CNTNAP2: variants seen among roughly 807,000 people sequenced by gnomAD.
CNTNAP2 encodes the protein contactin associated protein 2.
A neutral mutation model predicts 155.2 loss-of-function variants in CNTNAP2; 98 were observed. The observed-to-expected ratio is 0.63, with a 90% CI of 0.54 to 0.75. The LOEUF is 0.75. Among genes scored for constraint, CNTNAP2 ranks in the 30% least tolerant of loss-of-function variants. CNTNAP2 has a pLI of 0.00. For missense variants in CNTNAP2, 1,727 were observed against 1,688.1 expected (o/e 1.02, Z -0.40); for synonymous variants, 651 against 631.2 (o/e 1.03, Z -0.47).
intron 4 of CNTNAP2, among the ~76,000 whole-genome samples, chr7:147,088,274 A>G (rs1181271117): frequency 6.6e-6 from 1 of 152,212 alleles, no homozygotes; most frequent in Non-Finnish European, 1.5e-5. Context: ...CTATGGAATA[A>G]TGACCCTTTA....
intron 1 of CNTNAP2, among the ~76,000 whole-genome samples, chr7:146,622,732 G>A (rs565946516): frequency 5.9e-5 from 9 of 151,914 alleles, no homozygotes; most frequent in African/African-American, 1.2e-4. Flanking sequence ...CGAGGCAGGC[G>A]GATCACCTGA....
At chr7:146,301,255 T>C (rs1368748504) in intron 1 of CNTNAP2, among the ~76,000 whole-genome samples, 1 of 152,124 alleles carries the variant, frequency 6.6e-6, no homozygotes, top group Non-Finnish European at 1.5e-5. Context: ...TCAGGATTAA[T>C]TTGAGAATAG....
chr7:146,644,400 C>G (rs1799772790), intron 1 of CNTNAP2, among the ~76,000 whole-genome samples: 1 of 152,126 alleles, frequency 6.6e-6, no homozygotes, highest in Non-Finnish European at 1.5e-5. Context: ...TGTTCTGCAT[C>G]TATTGAGATA....
intron 13 of CNTNAP2, among the ~76,000 whole-genome samples, chr7:147,649,637 G>T (rs1210004074): frequency 7.2e-5 from 11 of 151,940 alleles, no homozygotes; most frequent in Non-Finnish European, 1.3e-4. Flanking sequence ...TTATAGAGTT[G>T]CATTTAAACT....
chr7:146,904,037 A>G (rs967019475), intron 3 of CNTNAP2, among the ~76,000 whole-genome samples: 3 of 152,224 alleles, frequency 2.0e-5, no homozygotes, highest in African/African-American at 7.2e-5. Context: ...AGTATAAATT[A>G]GATAACGTTA....
chr7:146,878,505 A>C (rs947952158), intron 3 of CNTNAP2, among the ~76,000 whole-genome samples: 6 of 151,952 alleles, frequency 3.9e-5, no homozygotes, highest in Non-Finnish European at 7.4e-5. Flanking sequence ...AGATGACCTA[A>C]GGTAGGAGTT....
intron 15 of CNTNAP2, among the ~76,000 whole-genome samples, chr7:148,073,682 T>G (rs950380313): frequency 1.3e-5 from 2 of 152,186 alleles, no homozygotes; most frequent in Non-Finnish European, 2.9e-5. Flanking sequence ...AAATTAAACT[T>G]TACATAGATG....
chr7:148,346,773 TAAAAAAAAAAAAAAAA>T (rs71188973), intron 21 of CNTNAP2, among the ~76,000 whole-genome samples: 1 of 147,046 alleles, frequency 6.8e-6, no homozygotes. Flanking sequence ...ACTCCATCTT[TAAAAAAAAAAAAAAAA>T]AAAAAAAAAT....
At chr7:146,185,023 G>A (rs1584791906) in intron 1 of CNTNAP2, among the ~76,000 whole-genome samples, 2 of 151,984 alleles carry the variant, frequency 1.3e-5, no homozygotes, top group African/African-American at 4.8e-5. Context: ...CAAAAATCAC[G>A]CTCAAACATG....
intron 9 of CNTNAP2, among the ~76,000 whole-genome samples, chr7:147,314,238 G>T (rs1392080867): frequency 6.6e-6 from 1 of 152,134 alleles, no homozygotes; most frequent in Non-Finnish European, 1.5e-5. Context: ...AGTGTTTTTA[G>T]GTATAATGTG....
intron 1 of CNTNAP2, among the ~76,000 whole-genome samples, chr7:146,352,221 C>T (rs1584883904): frequency 1.3e-5 from 2 of 152,026 alleles, no homozygotes; most frequent in Non-Finnish European, 2.9e-5. Context: ...TCAAGTGAAA[C>T]ATTTTATTAT....
At chr7:147,179,886 G>T (rs1398515112) in intron 8 of CNTNAP2, among the ~76,000 whole-genome samples, 4 of 152,180 alleles carry the variant, frequency 2.6e-5, no homozygotes, top group African/African-American at 9.6e-5. Flanking sequence ...AGAAGAAAAT[G>T]TTTGAAATGA....
intron 20 of CNTNAP2, among the ~76,000 whole-genome samples, chr7:148,255,428 C>A (rs771872403): frequency 5.9e-5 from 9 of 152,176 alleles, no homozygotes; most frequent in Non-Finnish European, 1.3e-4. Context: ...GATAGAAAAT[C>A]CGTTTGCTTG....
intron 1 of CNTNAP2, among the ~76,000 whole-genome samples, chr7:146,258,326 C>T (rs1470300806): frequency 6.6e-6 from 1 of 152,166 alleles, no homozygotes; most frequent in Non-Finnish European, 1.5e-5. Flanking sequence ...TGCCTGGATA[C>T]TAAGCCTCAC....
chr7:146,803,018 G>A (rs561598261), intron 2 of CNTNAP2, among the ~76,000 whole-genome samples: 1 of 152,050 alleles, frequency 6.6e-6, no homozygotes, highest in African/African-American at 2.4e-5. Flanking sequence ...CTGAGATCTT[G>A]CAGGTAAAAA....
At chr7:147,833,873 G>A (rs1295480520) in intron 13 of CNTNAP2, among the ~76,000 whole-genome samples, 3 of 152,192 alleles carry the variant, frequency 2.0e-5, no homozygotes, top group African/African-American at 7.2e-5. Context: ...ATGGGGCTGA[G>A]TGTCACAGAC....
chr7:147,087,772 T>G (rs1800311187), intron 4 of CNTNAP2, among the ~76,000 whole-genome samples: 2 of 151,988 alleles, frequency 1.3e-5, no homozygotes, highest in South Asian at 4.1e-4. Context: ...AGGTCAGAGT[T>G]TGAAACCAGC....
intron 1 of CNTNAP2, among the ~76,000 whole-genome samples, chr7:146,711,186 A>G (rs1801062165): frequency 2.0e-5 from 3 of 150,032 alleles, no homozygotes; most frequent in South Asian, 4.2e-4. Flanking sequence ...ATTTGCACAC[A>G]TATGTATGTA....
chr7:146,470,782 A>G (rs1394263672), intron 1 of CNTNAP2, among the ~76,000 whole-genome samples: 1 of 151,896 alleles, frequency 6.6e-6, no homozygotes, highest in East Asian at 1.9e-4. Context: ...GTCGGCCAGG[A>G]TGGTCTTGAG....
Sources: allele counts gnomAD v4.1 joint callset (sites outside exome capture counted in the v4.1 genomes callset), GRCh38; gene constraint gnomAD v4.1.1; transcripts MANE v1.5; gene names NCBI Gene and HGNC (gene_info 2026-07-23, HGNC 2026-07-21).